Variants in HECW1 observed in about 807,000 individuals in gnomAD.
HECW1 encodes HECT, C2 and WW domain containing E3 ubiquitin protein ligase 1.
HECW1 carries 61 observed loss-of-function variants against 182.3 expected under a neutral mutation model. The observed-to-expected ratio is 0.33, with a 90% CI of 0.27 to 0.41. The LOEUF is 0.41. HECW1 is among the 10% of genes least tolerant of loss of function. The probability of loss-of-function intolerance (pLI) is 1.00; values close to 1 mark genes in which losing one functional copy is unlikely to be tolerated. For synonymous variants in HECW1, 859 were observed against 832.6 expected, an observed-to-expected ratio of 1.03 and a Z score of -0.55; for missense variants, 1,739 against 2,108.9, an observed-to-expected ratio of 0.82 and a Z score of 3.44.
Position 43,561,884 on chromosome 7 carries a change from G to A in HECW1, c.4779G>A (p.Leu1593=), listed in dbSNP as rs993140648. The change falls in exon 30 of 30, where the codon CTG becomes CTA. Residue 1593 remains leucine (L), a synonymous_variant. Coordinates refer to ENST00000395891, the MANE Select transcript of HECW1 (RefSeq NM_015052.5). ...YPSYSMLYEK[L]LTAVEETSTF... ...CGTACTCCATGTTGTATGAAAAGCT[G>A]TTAACAGCAGTAGAGGAAACCAGCA... is the stretch of plus-strand genomic sequence containing the variant. 25 of 1,613,820 alleles carry A rather than the reference G, an allele frequency of 1.5e-5. No homozygotes were observed. Among genetic ancestry groups the A allele is most frequent in the African/African-American group, 2.7e-5 (2 of 74,922 alleles).
intron 2 of HECW1, among the ~76,000 whole-genome samples, chr7:43,217,723 T>G (rs970729412): frequency 1.3e-5 from 2 of 152,248 alleles, no homozygotes; most frequent in African/African-American, 4.8e-5. Context: ...TGTATCCTAT[T>G]TCTTGGCCAT....
At chr7:43,195,022 G>C (rs2152685607) in intron 2 of HECW1, among the ~76,000 whole-genome samples, 1 of 152,256 alleles carries the variant, frequency 6.6e-6, no homozygotes, top group African/African-American at 2.4e-5. Flanking sequence ...AGGTTTCTCT[G>C]AAGGACTGTT....
At position 43,498,637 on chromosome 7, in the gene HECW1, C is replaced by A. The variant is rs372977947; in HGVS notation, c.3438-2062C>A. Among the ~76,000 whole-genome samples the A allele has an allele frequency of 2.6e-5, 4 of 152,040 alleles. No individual in the cohort carries two copies. In the East Asian group the frequency reaches 7.7e-4, roughly 29 times the overall value. On this transcript the variant is annotated intron_variant, in intron 19 of 29. Transcript: ENST00000395891. ...CTCTTTGCTGGGCTTTCACATGTTC[C>A]CTGCTAAATGACATGTGGACACTGC...
chr7:43,431,099 T>C (rs2076535326), intron 8 of HECW1, among the ~76,000 whole-genome samples: 1 of 152,158 alleles, frequency 6.6e-6, no homozygotes, highest in African/African-American at 2.4e-5. Flanking sequence ...TCTTTAACAA[T>C]GTCTTTAACA....
rs948184892 is a variant in HECW1 at position 43,114,366 on chromosome 7, G to A, written c.-57G>A. The A allele has an allele frequency of 2.2e-6, 3 of 1,354,276 alleles. No homozygotes were observed. In the African/African-American group the frequency reaches 4.4e-5, roughly 20 times the overall value. The allele number at this position is 1,354,276 out of a possible 1,614,324, so 83.9% of individuals were successfully genotyped here. ...GCCAGATCTGCGTTTCTCATCAGCA[G>A]ACTCACTCCGGCTGTGGCTATTACG... On this transcript the variant is annotated 5_prime_UTR_variant, in exon 2 of 30. Coordinates refer to ENST00000395891, the MANE Select transcript of HECW1 (RefSeq NM_015052.5).
intron 2 of HECW1, among the ~76,000 whole-genome samples, chr7:43,129,524 T>A (rs890431064): frequency 1.3e-5 from 2 of 152,180 alleles, no homozygotes; most frequent in Admixed American, 1.3e-4. Context: ...AAGCAAAAAA[T>A]TTGTATGATC....
chr7:43,172,221 G>T (rs1791768526), intron 2 of HECW1, among the ~76,000 whole-genome samples: 1 of 151,990 alleles, frequency 6.6e-6, no homozygotes, highest in African/African-American at 2.4e-5. Flanking sequence ...TTGAACCCAG[G>T]AGGTGGAGGT....
chr7:43,560,101 G>T (rs971724715), intron 29 of HECW1, among the ~76,000 whole-genome samples: 2 of 152,122 alleles, frequency 1.3e-5, no homozygotes, highest in Non-Finnish European at 2.9e-5. Context: ...CTCGCCCCTG[G>T]CTAATTCAGC....
chr7:43,366,635 C>G (rs12702038), intron 6 of HECW1, among the ~76,000 whole-genome samples: 5,126 of 152,152 alleles, frequency 0.034, 101 homozygotes, highest in Middle Eastern at 0.045. Flanking sequence ...GGTCTTGAGC[C>G]CTTGTGCTTG....
chr7:43,189,342 G>A (rs144162715), intron 2 of HECW1, among the ~76,000 whole-genome samples: 35 of 152,062 alleles, frequency 2.3e-4, no homozygotes, highest in African/African-American at 8.0e-4. Flanking sequence ...CTGAGACTTC[G>A]CATTTCTAAT....
At chr7:43,270,194 T>A (rs958561850) in intron 3 of HECW1, among the ~76,000 whole-genome samples, 1 of 152,238 alleles carries the variant, frequency 6.6e-6, no homozygotes, top group Non-Finnish European at 1.5e-5. Flanking sequence ...TTTAATAGTC[T>A]CTCGTGGTTT....
At chr7:43,449,594 A>G (rs1254397423) in intron 11 of HECW1, among the ~76,000 whole-genome samples, 3 of 152,208 alleles carry the variant, frequency 2.0e-5, no homozygotes, top group African/African-American at 7.2e-5. Flanking sequence ...ATTCTAGGAA[A>G]TATTCAGCAT....
chr7:43,437,824 A>G (rs2076759665), intron 8 of HECW1, among the ~76,000 whole-genome samples, 179 bp from the exon 9 acceptor site: 1 of 152,172 alleles, frequency 6.6e-6, no homozygotes, highest in South Asian at 2.1e-4. Context: ...CTGCAGAAGC[A>G]TCTTGTCGCT....
intron 6 of HECW1, among the ~76,000 whole-genome samples, chr7:43,368,980 T>C (rs1816974024): frequency 6.6e-6 from 1 of 152,162 alleles, no homozygotes; most frequent in South Asian, 2.1e-4. Context: ...TTTCTATGTT[T>C]GTAAGAGCCA....
At chr7:43,364,268 T>C (rs1467897810) in intron 6 of HECW1, among the ~76,000 whole-genome samples, 2 of 152,336 alleles carry the variant, frequency 1.3e-5, no homozygotes, top group East Asian at 3.9e-4. Context: ...CTCATTGTCT[T>C]GTTCCCTCTC....
intron 2 of HECW1, among the ~76,000 whole-genome samples, chr7:43,157,139 G>A (rs774565251): frequency 9.2e-5 from 14 of 152,216 alleles, no homozygotes; most frequent in Middle Eastern, 3.4e-3. Context: ...AGAGGCATGC[G>A]TATAAAAAAG....
intron 2 of HECW1, among the ~76,000 whole-genome samples, chr7:43,197,963 A>G (rs1431785001): frequency 1.3e-5 from 2 of 151,878 alleles, no homozygotes; most frequent in African/African-American, 4.8e-5. Flanking sequence ...CTGAGCAATG[A>G]CAACCCACAT....
intron 24 of HECW1, among the ~76,000 whole-genome samples, chr7:43,531,185 A>G (rs925740159): frequency 6.6e-6 from 1 of 152,134 alleles, no homozygotes; most frequent in African/African-American, 2.4e-5. Flanking sequence ...TCTTAAGCAA[A>G]CTAATTTCTA....
At chr7:43,514,360 G>A (rs2080032406) in intron 24 of HECW1, among the ~76,000 whole-genome samples, 1 of 136,030 alleles carries the variant, frequency 7.4e-6, no homozygotes, top group Non-Finnish European at 1.6e-5. Context: ...TGCAATCTTT[G>A]CTCACTGCAA....
Sources: allele counts gnomAD v4.1 joint callset (sites outside exome capture counted in the v4.1 genomes callset), GRCh38; gene constraint gnomAD v4.1.1; transcripts MANE v1.5; gene names NCBI Gene and HGNC (gene_info 2026-07-23, HGNC 2026-07-21).